OGDH: variants seen among roughly 807,000 people sequenced by gnomAD.
The protein encoded by OGDH is 2-oxoglutarate dehydrogenase complex component E1.
In OGDH, 38 loss-of-function variants were observed where a neutral mutation model predicts 116.6. The observed-to-expected ratio is 0.33, with a 90% CI of 0.25 to 0.43. OGDH has a LOEUF of 0.43. OGDH is among the 20% of genes least tolerant of loss of function. The pLI is 1.00. For missense variants in OGDH, 825 were observed against 1,357.2 expected, an observed-to-expected ratio of 0.61 and a Z score of 6.16; for synonymous variants, 488 against 533.3, an observed-to-expected ratio of 0.92 and a Z score of 1.17.
chr7:44,698,050 G>T, intron 17 of OGDH, 142 bp from the exon 18 acceptor site: 2 of 976,178 alleles, frequency 2.0e-6, no homozygotes, highest in Non-Finnish European at 3.1e-6. Context: ...GTGCTTTGCT[G>T]GTGGGAGGGG....
At chr7:44,616,786 T>C (rs1391687096) in intron 1 of OGDH, among the ~76,000 whole-genome samples, 1 of 62,782 alleles carries the variant, frequency 1.6e-5, no homozygotes, top group Non-Finnish European at 4.5e-5. Flanking sequence ...TGTATATGCA[T>C]ATATATATGT....
At chr7:44,617,127 T>C (rs1057495141) in intron 1 of OGDH, among the ~76,000 whole-genome samples, 1 of 151,216 alleles carries the variant, frequency 6.6e-6, no homozygotes, top group African/African-American at 2.4e-5. Flanking sequence ...GAGGCGGGGT[T>C]TCAGCATGTT....
chr7:44,651,841 A>G (rs1379669609), intron 4 of OGDH, among the ~76,000 whole-genome samples: 3 of 151,158 alleles, frequency 2.0e-5, no homozygotes, highest in Non-Finnish European at 3.0e-5. Flanking sequence ...GATTACAGGC[A>G]TGAGCCACCA....
At chr7:44,635,253 G>A (rs544256686) in intron 2 of OGDH, among the ~76,000 whole-genome samples, 7 of 152,306 alleles carry the variant, frequency 4.6e-5, no homozygotes, top group South Asian at 4.1e-4. Flanking sequence ...AGAGCCATAC[G>A]CCGGTGTTCC....
chr7:44,645,588 A>C, intron 3 of OGDH, 70 bp downstream of exon 3: 2 of 1,446,534 alleles, frequency 1.4e-6, no homozygotes, highest in Admixed American at 2.1e-5. Flanking sequence ...CATGGGCCCT[A>C]TTGGCCTTTC....
intron 5 of OGDH, among the ~76,000 whole-genome samples, chr7:44,669,240 C>T (rs943165703): frequency 2.0e-5 from 3 of 149,458 alleles, no homozygotes; most frequent in Non-Finnish European, 4.4e-5. Context: ...GCAGCCTCAA[C>T]CTCTGGGATT....
chr7:44,651,251 G>A (rs1445340748), intron 4 of OGDH, among the ~76,000 whole-genome samples: 1 of 152,218 alleles, frequency 6.6e-6, no homozygotes, highest in Non-Finnish European at 1.5e-5. Flanking sequence ...ATATGCTATA[G>A]TTTCCACTGA....
chr7:44,678,650 G>T (rs1388247249), intron 9 of OGDH, among the ~76,000 whole-genome samples: 1 of 152,156 alleles, frequency 6.6e-6, no homozygotes, highest in Non-Finnish European at 1.5e-5. Context: ...AATGTGGATA[G>T]CTGCCAGGCC....
At chr7:44,705,553 G>T (rs1789034597) in intron 20 of OGDH, among the ~76,000 whole-genome samples, 1 of 151,774 alleles carries the variant, frequency 6.6e-6, no homozygotes, top group Non-Finnish European at 1.5e-5. Context: ...TTTATTTTTT[G>T]TTTGTGTTTT....
At chr7:44,670,771 G>C (rs1391831433) in intron 5 of OGDH, among the ~76,000 whole-genome samples, 1 of 152,162 alleles carries the variant, frequency 6.6e-6, no homozygotes, top group East Asian at 1.9e-4. Flanking sequence ...AGCACTTTGG[G>C]AGGCCAAGGC....
chr7:44,631,227 T>C (rs534928457), intron 2 of OGDH, among the ~76,000 whole-genome samples: 15 of 152,366 alleles, frequency 9.8e-5, no homozygotes, highest in African/African-American at 3.6e-4. Flanking sequence ...GCTGACTGTA[T>C]ACATAAACTG....
chr7:44,647,729 G>A lies in OGDH; in HGVS notation c.487G>A (p.Ala163Thr). The change falls in exon 4 of 23, where the codon GCT becomes ACT. Residue 163 changes from alanine (A) to threonine (T), a missense_variant. Ala to Thr is a moderately conservative substitution (Grantham distance 58, BLOSUM62 0). This residue lies in a region of OGDH where 171 missense variants were observed against 276.8 expected (regional missense o/e 0.62). Transcript: ENST00000222673. ...LDADLDSSVP[A>T]DIISSTDKLG... ...TGCTGATCTGGACTCCTCCGTGCCC[G>A]CTGACATTATCTCATCCACAGACAA... 5.6e-6 allele frequency: 9 copies of A among 1,613,844 alleles called. No homozygotes were observed. The highest frequency in any genetic ancestry group is 1.1e-5 in the South Asian group (1 of 91,074).
intron 2 of OGDH, among the ~76,000 whole-genome samples, chr7:44,643,439 ACT>A (rs1404929110): frequency 6.6e-6 from 1 of 152,034 alleles, no homozygotes; most frequent in Non-Finnish European, 1.5e-5. Flanking sequence ...ATTCCACAAA[ACT>A]CCCCTCAAAA....
chr7:44,695,953 T>G (rs1377816073), intron 12 of OGDH, 72 bp from the exon 13 acceptor site: 28 of 820,816 alleles, frequency 3.4e-5, no homozygotes, highest in Non-Finnish European at 1.7e-5. Context: ...TCAGAAAGTG[T>G]GGGGGTACAG....
In OGDH at chr7:44,673,931, C is replaced by A. The variant is rs867866005; in HGVS notation, c.778C>A (p.Arg260=). 6.2e-7 allele frequency: 1 copy of A among 1,614,048 alleles called. No individual in the cohort carries two copies. Among genetic ancestry groups the A allele is most frequent in the Admixed American group, 1.7e-5 (1 of 60,004 alleles). Residue 260 remains arginine (R), a synonymous_variant, in exon 6 of 23, where the codon CGG becomes AGG. Transcript: ENST00000222673. The part of the protein sequence containing the change: ...EKRTLLARLV[R]STRFEEFLQR... ...ACGGACCCTGCTGGCCAGGCTTGTG[C>A]GGTCCACCAGGTATGGGTCTGGCCC... is the stretch of plus-strand genomic sequence containing the variant.
At chr7:44,700,396 G>A in intron 19 of OGDH, 127 bp downstream of exon 19, 1 of 1,220,108 alleles carries the variant, frequency 8.2e-7, no homozygotes, top group Non-Finnish European at 1.1e-6. Context: ...AGTGTGGACA[G>A]GACATGGTGT....
intron 10 of OGDH, among the ~76,000 whole-genome samples, chr7:44,692,170 CA>C (rs1235378565): frequency 4.6e-5 from 7 of 151,672 alleles, no homozygotes; most frequent in African/African-American, 1.2e-4. Context: ...GATTAGATTG[CA>C]AAAAAACTCA....
chr7:44,609,791 T>G (rs1032217597), intron 1 of OGDH, among the ~76,000 whole-genome samples: 1 of 152,232 alleles, frequency 6.6e-6, no homozygotes, highest in African/African-American at 2.4e-5. Flanking sequence ...GTGATTGTAC[T>G]ATTTTACATT....
At chr7:44,619,361 G>T (rs1165691889) in intron 1 of OGDH, among the ~76,000 whole-genome samples, 1 of 152,198 alleles carries the variant, frequency 6.6e-6, no homozygotes, top group Non-Finnish European at 1.5e-5. Flanking sequence ...TTGACCTGTG[G>T]TATCTGATGC....
Sources: allele counts gnomAD v4.1 joint callset (sites outside exome capture counted in the v4.1 genomes callset), GRCh38; gene constraint gnomAD v4.1.1; regional missense constraint gnomAD v4.1.1; transcripts MANE v1.5; gene names NCBI Gene and HGNC (gene_info 2026-07-23, HGNC 2026-07-21).